CNDP2: variants seen among roughly 807,000 people sequenced by gnomAD.
CNDP2 encodes the protein carnosine dipeptidase 2, also known as cytosolic non-specific dipeptidase.
A neutral mutation model predicts 55.0 loss-of-function variants in CNDP2; 38 were observed. The ratio of observed to expected loss-of-function variants is 0.69; its 90% CI spans 0.53 to 0.90. The LOEUF is 0.90. Among genes scored for constraint, CNDP2 ranks in the 40% least tolerant of loss-of-function variants. The probability of loss-of-function intolerance (pLI) is 0.00; values close to 1 mark genes in which losing one functional copy is unlikely to be tolerated. For missense variants in CNDP2, 607 were observed against 621.7 expected (o/e 0.98, Z 0.25); for synonymous variants, 241 against 260.2 (o/e 0.93, Z 0.71).
chr18:74,518,956 T>C lies in CNDP2; in HGVS notation c.1218T>C (p.Gly406=), dbSNP rs566255046. ...AGRRAMKTVF[G]VEPDLTREGG... is the part of the protein sequence containing the mutation. ...TATTTCATTTCCCCCCAGTTTTTGG[T>C]GTTGAGCCAGACTTGACCAGGGAAG... Residue 406 remains glycine, a synonymous_variant, in exon 11 of 12, where the codon GGT becomes GGC. Coordinates refer to ENST00000324262, the MANE Select transcript of CNDP2 (RefSeq NM_018235.3). The C allele has an allele frequency of 9.3e-6, 15 of 1,613,992 alleles. No homozygotes were observed. The Admixed American group carries it at 2.2e-4, about 23-fold the overall frequency.
chr18:74,510,702 T>G, intron 5 of CNDP2, 111 bp from the exon 6 acceptor site: 2 of 927,528 alleles, frequency 2.2e-6, no homozygotes, highest in Non-Finnish European at 3.3e-6. Context: ...CGGAGGCCCA[T>G]GTGGTCTGTC....
At chr18:74,513,744 C>T in intron 8 of CNDP2, 25 bp downstream of exon 8, 2 of 1,607,870 alleles carry the variant, frequency 1.2e-6, no homozygotes, top group Non-Finnish European at 1.7e-6. Flanking sequence ...TCGACTCTGC[C>T]ACCTGCCCAG....
rs1192478793 is a variant in CNDP2, at chr18:74,522,413, G to C, written c.*2345G>C. On this transcript the variant is annotated 3_prime_UTR_variant, in exon 12 of 12. Transcript: ENST00000324262. The stretch of plus-strand genomic sequence containing the variant: ...TGTCTCATGCATGCGAGCTGCATAT[G>C]GGCCCCCGTTAGTCAGGAACCCATG... 1 of 152,252 alleles carries C rather than the reference G, an allele frequency of 6.6e-6. No homozygotes were observed. The highest frequency in any genetic ancestry group is 1.5e-5 in the Non-Finnish European group (1 of 68,062). The allele number at this position is 152,252 out of a possible 1,614,324, so 9.4% of individuals were successfully genotyped here.
At chr18:74,510,673 G>A (rs1979292234) in intron 5 of CNDP2, 140 bp from the exon 6 acceptor site, 1 of 716,890 alleles carries the variant, frequency 1.4e-6, no homozygotes, top group Non-Finnish European at 2.3e-6. Flanking sequence ...CCTGGGGAGG[G>A]GGTGATGACA....
chr18:74,502,389 A>C (rs1379436322), intron 3 of CNDP2, among the ~76,000 whole-genome samples: 2 of 152,184 alleles, frequency 1.3e-5, no homozygotes, highest in African/African-American at 4.8e-5. Context: ...ACTTAAAGTC[A>C]CAGTTTCTAA....
chr18:74,512,447 G>C lies in CNDP2; in HGVS notation c.658-1G>C. On this transcript the variant is annotated splice_acceptor_variant, in intron 6 of 11. Coordinates refer to ENST00000324262, the MANE Select transcript of CNDP2 (RefSeq NM_018235.3). LOFTEE classifies it high-confidence loss of function. The stretch of plus-strand genomic sequence containing the variant: ...ACACAGTGGCCTTTGTTTCCGTGCA[G>C]GTGGAGTGCAGCAACAAAGACCTCC... 6.2e-7 allele frequency: 1 copy of C among 1,613,460 alleles called. No homozygotes were observed. Among genetic ancestry groups the C allele is most frequent in the Non-Finnish European group, 8.5e-7 (1 of 1,179,588 alleles).
At chr18:74,500,567 G>A (rs12605820) in intron 2 of CNDP2, among the ~76,000 whole-genome samples, 31,952 of 152,000 alleles carry the variant, frequency 0.21, 3,498 homozygotes, top group Admixed American at 0.29. Flanking sequence ...ACTTATTTAC[G>A]GAACCTGGTA....
chr18:74,504,060 T>C (rs1978868462), intron 3 of CNDP2, among the ~76,000 whole-genome samples: 1 of 124,026 alleles, frequency 8.1e-6, no homozygotes, highest in African/African-American at 3.2e-5. Context: ...CGTCAGGCCA[T>C]ACACTGCACA....
chr18:74,496,521 T>G (rs1442308954), intron 1 of CNDP2, 90 bp downstream of exon 1: 2 of 152,238 alleles, frequency 1.3e-5, no homozygotes, highest in Admixed American at 1.3e-4. Context: ...GCGGCGAGAG[T>G]CACGCCTCAT....
chr18:74,510,917 TG>T lies in CNDP2; in HGVS notation c.562del (p.Val188TrpfsTer53), dbSNP rs1326148237. 1 of 1,614,198 alleles carries T rather than the reference TG, an allele frequency of 6.2e-7. No homozygotes were observed. The highest frequency in any genetic ancestry group is 1.1e-5 in the South Asian group (1 of 91,088). On this transcript the variant is annotated frameshift_variant, in exon 6 of 12. Transcript: ENST00000324262. LOFTEE classifies it high-confidence loss of function. ...FARKDTFFKD[V>X]DYVCISDNYW... ...CCCGGAAAGACACATTCTTTAAGGA[TG>T]TGGACTATGTCTGCATTTCTGACAA...
intron 1 of CNDP2, among the ~76,000 whole-genome samples, chr18:74,498,272 A>G (rs1435103451): frequency 6.6e-6 from 1 of 152,150 alleles, no homozygotes; most frequent in Non-Finnish European, 1.5e-5. Context: ...CCTAGGCTAT[A>G]TGGTGTAGCC....
intron 5 of CNDP2, among the ~76,000 whole-genome samples, chr18:74,510,255 G>T (rs1187160872): frequency 2.0e-5 from 3 of 152,240 alleles, no homozygotes; most frequent in Non-Finnish European, 4.4e-5. Context: ...TTTAGGCCCT[G>T]ATGTTCTTTA....
chr18:74,496,742 C>T (rs988254368), intron 1 of CNDP2, among the ~76,000 whole-genome samples: 3 of 152,212 alleles, frequency 2.0e-5, no homozygotes, highest in Non-Finnish European at 4.4e-5. Context: ...GCCTGCGTGG[C>T]CCTCCCTGGT....
In CNDP2 at chr18:74,518,943, C is replaced by CT. The variant is rs764022499; in HGVS notation, c.1211-6_1211-5insT. On this transcript the variant is annotated splice_region_variant and splice_polypyrimidine_tract_variant and intron_variant, in intron 10 of 11. Coordinates refer to ENST00000324262, the MANE Select transcript of CNDP2 (RefSeq NM_018235.3). ...TCACCGTTTATTTTATTTCATTTCC[C>CT]CCCAGTTTTTGGTGTTGAGCCAGAC... 14 of 1,613,870 alleles carry CT rather than the reference C, an allele frequency of 8.7e-6. No homozygotes were observed. In the Middle Eastern group the frequency reaches 5.0e-4, roughly 57 times the overall value.
At chr18:74,512,380 T>C in intron 6 of CNDP2, 68 bp from the exon 7 acceptor site, 1 of 1,403,082 alleles carries the variant, frequency 7.1e-7, no homozygotes, top group East Asian at 2.4e-5. Context: ...TTTGTTGAAT[T>C]TACTGTCACA....
chr18:74,499,748 C>T (rs558811771), intron 1 of CNDP2, 134 bp from the exon 2 acceptor site: 5 of 435,148 alleles, frequency 1.1e-5, no homozygotes, highest in Non-Finnish European at 2.0e-5. Context: ...TTAGCCCCAG[C>T]CTCTAACTGG....
intron 9 of CNDP2, chr18:74,516,807 A>G (rs2144612046): frequency 5.8e-6 from 1 of 171,996 alleles, no homozygotes; most frequent in South Asian, 1.5e-4. Context: ...TCCCACTGGG[A>G]ATGGGAGCCT....
chr18:74,515,050 G>A (rs1979589860), intron 8 of CNDP2, among the ~76,000 whole-genome samples: 2 of 152,162 alleles, frequency 1.3e-5, no homozygotes, highest in East Asian at 1.9e-4. Flanking sequence ...TGGCATGCCC[G>A]GTCAGCAGGA....
In CNDP2 at chr18:74,520,643, A is replaced by C. The variant is rs1292773989; in HGVS notation, c.*575A>C. The C allele has an allele frequency of 6.5e-6, 1 of 153,490 alleles. No individual in the cohort carries two copies. Among genetic ancestry groups the C allele is most frequent in the Non-Finnish European group, 1.4e-5 (1 of 69,090 alleles). The allele number at this position is 153,490 out of a possible 1,614,324, so 9.5% of individuals were successfully genotyped here. On this transcript the variant is annotated 3_prime_UTR_variant, in exon 12 of 12. Transcript: ENST00000324262. Reference sequence around the variant, plus strand: ...GGCACTCAAGCCTGGGCAATGTAGCAAGATCCTGTCTCTACAAGAAATTTT... The same window carrying C: ...GGCACTCAAGCCTGGGCAATGTAGCCAGATCCTGTCTCTACAAGAAATTTT...
Sources: gnomAD v4.1 joint callset for allele counts (sites outside exome capture counted in the v4.1 genomes callset) on GRCh38, gnomAD v4.1.1 for gene constraint, MANE v1.5 for transcripts, NCBI Gene and HGNC (gene_info 2026-07-23, HGNC 2026-07-21) for gene names.